Variants in SLC2A9 observed in about 807,000 individuals in gnomAD.
SLC2A9 encodes the protein solute carrier family 2, facilitated glucose transporter member 9.
Under a neutral mutation model 50.6 loss-of-function variants are expected in SLC2A9, and 39 were observed. The ratio of observed to expected loss-of-function variants is 0.77; its 90% CI spans 0.60 to 1.01. SLC2A9 has a LOEUF of 1.01. Among genes scored for constraint, SLC2A9 ranks in the 50% least tolerant of loss-of-function variants. SLC2A9 has a pLI of 0.00. For synonymous variants in SLC2A9, 324 were observed against 276.9 expected (o/e 1.17, Z -1.69); for missense variants, 686 against 677.6 (o/e 1.01, Z -0.14).
chr4:9,792,154 T>C (rs1172930032), intron 3 of SLC2A9, among the ~76,000 whole-genome samples: 1 of 147,670 alleles, frequency 6.8e-6, no homozygotes, highest in Non-Finnish European at 1.5e-5. Flanking sequence ...TGTTTTCTAT[T>C]CTATGTTTCT....
Position 10,029,582 on chromosome 4 carries a change from A to AT in SLC2A9, c.-40-3577dup, listed in dbSNP as rs1370213076. Among the ~76,000 whole-genome samples, 307 of 122,348 alleles carry AT rather than the reference A, an allele frequency of 2.5e-3. 5 individuals carry two copies. In the East Asian group the frequency reaches 0.044, roughly 18 times the overall value. 80.3% of individuals were successfully genotyped at this position (122,348 alleles called of 152,430 possible). On this transcript the variant is annotated intron_variant, in intron 1 of 12. Coordinates refer to the SLC2A9 transcript ENST00000309065. Reference sequence around the variant, plus strand: ...TTTATTTTATTTATTTTATATTTTTATTTTATTTTATATTATTTTATTTTA... The same window carrying AT: ...TTTATTTTATTTATTTTATATTTTTATTTTTATTTTATATTATTTTATTTTA...
Position 9,880,498 on chromosome 4 carries a change from C to A in SLC2A9, c.1291+7069G>T, listed in dbSNP as rs569701543. 6.1e-6 allele frequency: 6 copies of A among 985,190 alleles called. No individual in the cohort carries two copies. In the South Asian group the frequency reaches 2.8e-4, roughly 46 times the overall value. 61.0% of individuals were successfully genotyped at this position (985,190 alleles called of 1,614,324 possible). A position where few individuals can be genotyped will look rare whatever the true frequency, so the allele number is the denominator to read the frequency against. On this transcript the variant is annotated intron_variant, in intron 10 of 11. Coordinates refer to ENST00000264784, the MANE Select transcript of SLC2A9 (RefSeq NM_020041.3). ...CAAAAGAAAGCCACAGTTGCAAACA[C>A]TTGGAACAGAATCAGGATCATTGCA...
chr4:9,905,250 G>A (rs1350865332), intron 8 of SLC2A9, among the ~76,000 whole-genome samples: 1 of 152,236 alleles, frequency 6.6e-6, no homozygotes, highest in Non-Finnish European at 1.5e-5. Flanking sequence ...AGAGATTCCT[G>A]CACCTCTAGA....
chr4:9,948,094 TG>T (rs1437052812), intron 5 of SLC2A9, among the ~76,000 whole-genome samples: 4 of 152,244 alleles, frequency 2.6e-5, no homozygotes, highest in African/African-American at 9.6e-5. Context: ...TTGCTGTAGG[TG>T]GCCACTTATT....
chr4:9,835,052 G>T (rs1726803374), intron 10 of SLC2A9, 44 bp from the exon 11 acceptor site: 2 of 1,611,856 alleles, frequency 1.2e-6, no homozygotes, highest in Non-Finnish European at 1.7e-6. Context: ...ACTCTGAGAA[G>T]GTCATGCCTC....
At chr4:9,964,820 A>G (rs1184203055) in intron 5 of SLC2A9, among the ~76,000 whole-genome samples, 1 of 152,196 alleles carries the variant, frequency 6.6e-6, no homozygotes, top group African/African-American at 2.4e-5. Flanking sequence ...CTTTGGGGAC[A>G]GCCCTCTTGC....
chr4:9,787,294 C>G (rs2108871129), intron 3 of SLC2A9, among the ~76,000 whole-genome samples: 1 of 152,318 alleles, frequency 6.6e-6, no homozygotes, highest in South Asian at 2.1e-4. Flanking sequence ...CAGACTTTAC[C>G]TCTTCATGGG....
upstream of SLC2A9, among the ~76,000 whole-genome samples, chr4:10,023,193 A>G (rs1051251170): frequency 2.6e-5 from 4 of 152,206 alleles, no homozygotes; most frequent in Non-Finnish European, 4.4e-5. Context: ...GTGAGAGGAC[A>G]AGGAGCCAAG....
intron 2 of SLC2A9, 43 bp from the exon 3 acceptor site, chr4:9,996,984 C>T (rs752001239): frequency 1.2e-6 from 2 of 1,608,708 alleles, no homozygotes; most frequent in Non-Finnish European, 1.7e-6. Context: ...TCTGTTCTCT[C>T]CTGCTGCTTG....
rs1553911924 is a variant in SLC2A9, at chr4:10,008,900, G to GC, written c.249+10074_249+10075insG. On this transcript the variant is annotated intron_variant, in intron 2 of 11. Coordinates refer to ENST00000264784, the MANE Select transcript of SLC2A9 (RefSeq NM_020041.3). ...TTCATTATCAAATTTCTGTGCGGTG[G>GC]TTTTTTTTTTTTTTTTTCCTAATGG... Among the ~76,000 whole-genome samples the GC allele has an allele frequency of 2.2e-5, 3 of 134,860 alleles. 1 individual carries two copies. The highest frequency in any genetic ancestry group is 2.2e-4 in the Admixed American group (3 of 13,526). The allele number at this position is 134,860 out of a possible 152,430, so 88.5% of individuals were successfully genotyped here.
intron 8 of SLC2A9, among the ~76,000 whole-genome samples, chr4:9,904,706 C>G (rs954691350): frequency 6.6e-6 from 1 of 152,206 alleles, no homozygotes; most frequent in Non-Finnish European, 1.5e-5. Flanking sequence ...GACCACTTAG[C>G]TGGTAAATGG....
chr4:9,814,637 C>T (rs572259540), intron 3 of SLC2A9, among the ~76,000 whole-genome samples: 58 of 152,252 alleles, frequency 3.8e-4, no homozygotes, highest in African/African-American at 1.3e-3. Flanking sequence ...TGGATCTGAG[C>T]TTAGGTGGGA....
intron 10 of SLC2A9, among the ~76,000 whole-genome samples, chr4:9,877,701 G>T (rs544209488): frequency 3.9e-5 from 6 of 152,284 alleles, no homozygotes; most frequent in Admixed American, 2.6e-4. Flanking sequence ...ATGTTTCATG[G>T]TTTCTTCTTT....
At chr4:9,963,825 G>A (rs756486655) in intron 5 of SLC2A9, among the ~76,000 whole-genome samples, 2 of 152,198 alleles carry the variant, frequency 1.3e-5, no homozygotes, top group Admixed American at 6.5e-5. Flanking sequence ...CACATCCAGC[G>A]AGTCTGATAA....
intron 10 of SLC2A9, among the ~76,000 whole-genome samples, chr4:9,844,191 C>T (rs2109247262): frequency 1.5e-5 from 2 of 135,860 alleles, no homozygotes; most frequent in South Asian, 5.0e-4. Context: ...GTCCTTCTGA[C>T]TCCTTTCTTT....
chr4:9,839,884 T>G (rs1322442393), intron 10 of SLC2A9, among the ~76,000 whole-genome samples: 1 of 152,138 alleles, frequency 6.6e-6, no homozygotes, highest in African/African-American at 2.4e-5. Context: ...GTACTAGGCT[T>G]GGTACCTGGG....
chr4:9,860,831 C>T lies in SLC2A9; in HGVS notation c.1292-25823G>A, dbSNP rs977355236. On this transcript the variant is annotated intron_variant, in intron 10 of 11. Transcript: ENST00000264784. ...AGCCTGAGGCTGGTGCATGCATCTTCGGAGCTGCGATCATGAATGCTGAAT... is the reference window on the plus strand; with the variant it reads ...AGCCTGAGGCTGGTGCATGCATCTTTGGAGCTGCGATCATGAATGCTGAAT... Among the ~76,000 whole-genome samples the T allele has an allele frequency of 3.7e-4, 57 of 152,212 alleles. 2 individuals carry two copies. The highest frequency in any genetic ancestry group is 3.7e-3 in the Admixed American group (57 of 15,284).
rs1465228976 is a variant in SLC2A9, at chr4:10,021,491, C to T, written c.-62G>A. ...ACCCCAGACTCTGCCAAGGCATTTC[C>T]GTGAGTGAGGAGGCAGAGTCCACTG... On this transcript the variant is annotated 5_prime_UTR_variant, in exon 1 of 12. Transcript: ENST00000264784. 6.2e-6 allele frequency: 10 copies of T among 1,609,930 alleles called. No individual in the cohort carries two copies. Among genetic ancestry groups the T allele is most frequent in the Middle Eastern group, 1.7e-4 (1 of 5,868 alleles).
At chr4:10,000,801 T>C (rs7696895) in intron 2 of SLC2A9, among the ~76,000 whole-genome samples, 35,924 of 152,000 alleles carry the variant, frequency 0.24, 4,930 homozygotes, top group African/African-American at 0.36. Flanking sequence ...CCTCTGCCCC[T>C]GAATTCCTTT....
Sources: gnomAD v4.1 joint callset for allele counts (sites outside exome capture counted in the v4.1 genomes callset) on GRCh38, gnomAD v4.1.1 for gene constraint, MANE v1.5 for transcripts, NCBI Gene and HGNC (gene_info 2026-07-23, HGNC 2026-07-21) for gene names.